MCM5: variants seen among roughly 807,000 people sequenced by gnomAD.
MCM5 encodes DNA replication licensing factor MCM5.
In MCM5, 46 loss-of-function variants were observed where a neutral mutation model predicts 79.9. That is an observed-to-expected ratio of 0.58 (90% CI 0.45 to 0.74). MCM5 has a LOEUF of 0.74. MCM5 is among the 30% of genes least tolerant of loss of function. MCM5 has a pLI of 0.00. For synonymous variants in MCM5, 404 were observed against 390.5 expected (o/e 1.03, Z -0.41); for missense variants, 883 against 1,017.0 (o/e 0.87, Z 1.79).
intron 15 of MCM5, chr22:35,422,910 C>T (rs559462186): frequency 3.0e-5 from 7 of 234,622 alleles, no homozygotes; most frequent in South Asian, 1.7e-4. Context: ...TCCAAGGGCC[C>T]GCAGGACTTG....
chr22:35,447,436 TTTGTTG>T, the MCM5 span, among the ~76,000 whole-genome samples: 1 of 144,754 alleles, frequency 6.9e-6, no homozygotes, highest in Non-Finnish European at 1.5e-5. Context: ...TTATGGACTT[TTTGTTG>T]TTGTTATTTT....
chr22:35,424,185 T>C lies in MCM5; in HGVS notation c.2135T>C (p.Leu712Pro), dbSNP rs758716600. Reference sequence around the variant, plus strand: ...CCGGAGCACGCCATCCACAAGGTGCTGCAGCTCATGCTGCGGCGCGGCGAG... The same window carrying C: ...CCGGAGCACGCCATCCACAAGGTGCCGCAGCTCATGCTGCGGCGCGGCGAG... ...KYPEHAIHKVLQLMLRRGEIQ... is the reference protein window; with the variant it reads ...KYPEHAIHKVPQLMLRRGEIQ... The change falls in exon 17 of 17, where the codon CTG (leucine) becomes CCG (proline). Residue 712 changes from leucine to proline, a missense_variant. Around this residue, in one of 3 missense-constraint regions of MCM5, gnomAD observed 426 missense variants for 482.3 expected, o/e 0.88. Coordinates refer to ENST00000216122, the MANE Select transcript of MCM5 (RefSeq NM_006739.4). 6.4e-7 allele frequency: 1 copy of C among 1,552,898 alleles called. No individual in the cohort carries two copies. Among genetic ancestry groups the C allele is most frequent in the South Asian group, 1.2e-5 (1 of 84,008 alleles).
chr22:35,435,730 C>T, the MCM5 span, among the ~76,000 whole-genome samples: 1 of 152,220 alleles, frequency 6.6e-6, no homozygotes, highest in Non-Finnish European at 1.5e-5. Context: ...CCCTGCCAGC[C>T]TCCCTAACTT....
At chr22:35,404,418 C>T (rs1932152761) in intron 4 of MCM5, among the ~76,000 whole-genome samples, 1 of 152,162 alleles carries the variant, frequency 6.6e-6, no homozygotes, top group South Asian at 2.1e-4. Context: ...AGCCATTATC[C>T]TGTAGAATGT....
the MCM5 span, among the ~76,000 whole-genome samples, chr22:35,438,321 GTCCATCTATCCA>G: frequency 1.7e-4 from 4 of 23,238 alleles, no homozygotes; most frequent in Admixed American, 8.0e-4. Context: ...CCGTTCATCC[GTCCATCTATCCA>G]TCCATCCATC....
At chr22:35,417,926 C>T in intron 13 of MCM5, 70 bp downstream of exon 13, 3 of 1,023,146 alleles carry the variant, frequency 2.9e-6, no homozygotes, top group East Asian at 2.4e-5. Context: ...AACCCAGTCC[C>T]CTGGTCCTGC....
downstream of MCM5, among the ~76,000 whole-genome samples, chr22:35,428,741 C>T (rs575106199): frequency 1.2e-4 from 18 of 152,122 alleles, no homozygotes; most frequent in African/African-American, 3.9e-4. Flanking sequence ...GACTTCTCCC[C>T]GGCTCCTACT....
chr22:35,418,111 T>G (rs1450223229), intron 13 of MCM5, among the ~76,000 whole-genome samples: 1 of 152,206 alleles, frequency 6.6e-6, no homozygotes, highest in African/African-American at 2.4e-5. Context: ...GAGTCTGACA[T>G]GCAGGGAGGC....
intron 15 of MCM5, 80 bp downstream of exon 15, chr22:35,421,540 T>C (rs754588387): frequency 5.7e-6 from 9 of 1,570,918 alleles, no homozygotes; most frequent in South Asian, 4.4e-5. Flanking sequence ...TCTGGCCTGC[T>C]GGGGGCCTGC....
chr22:35,430,317 T>C (rs555429790), downstream of MCM5, among the ~76,000 whole-genome samples: 1 of 152,324 alleles, frequency 6.6e-6, no homozygotes, highest in Non-Finnish European at 1.5e-5. Context: ...TAGTGTGGGC[T>C]GAGTATAGTG....
rs1189014615 is a variant in MCM5, at chr22:35,405,279, T to G, written c.424-1274T>G. 3.3e-5 allele frequency among the ~76,000 whole-genome samples: 5 copies of G among 151,218 alleles called. No homozygotes were observed. The East Asian group carries it at 9.9e-4, about 30-fold the overall frequency. ...GTGATCCATAGATGCCAAATCTTGT[T>G]TCATCTGTGGCCCTGGAGTTCTTTT... is the stretch of plus-strand genomic sequence containing the variant. On this transcript the variant is annotated intron_variant, in intron 4 of 16. Coordinates refer to ENST00000216122, the MANE Select transcript of MCM5 (RefSeq NM_006739.4).
chr22:35,403,690 G>T, intron 4 of MCM5, 148 bp downstream of exon 4: 1 of 1,027,360 alleles, frequency 9.7e-7, no homozygotes, highest in East Asian at 2.6e-5. Context: ...GTTGTTTTTT[G>T]CTTTTTGTTA....
Position 35,406,226 on chromosome 22 carries a change from G to A in MCM5, c.424-327G>A, listed in dbSNP as rs557441462. Among the ~76,000 whole-genome samples, 7 of 151,724 alleles carry A rather than the reference G, an allele frequency of 4.6e-5. No homozygotes were observed. In the South Asian group the frequency reaches 1.3e-3, roughly 27 times the overall value. On this transcript the variant is annotated intron_variant, in intron 4 of 16. Transcript: ENST00000216122. ...GTCCAAGGATGTCGCCATCAGAGCT[G>A]GGGTCAGGTCTCTCTCCTGGCACCT...
chr22:35,447,745 G>A, the MCM5 span, among the ~76,000 whole-genome samples: 1 of 152,194 alleles, frequency 6.6e-6, no homozygotes, highest in Non-Finnish European at 1.5e-5. Flanking sequence ...GGGATTACAG[G>A]TGTGAGCCAC....
chr22:35,401,605 C>T, intron 2 of MCM5: 4 of 470,984 alleles, frequency 8.5e-6, no homozygotes, highest in South Asian at 3.1e-5. Flanking sequence ...GTGTCAGTGT[C>T]TCTGGGCCTC....
chr22:35,413,650 G>A (rs1482005064), intron 8 of MCM5, among the ~76,000 whole-genome samples: 4 of 152,160 alleles, frequency 2.6e-5, no homozygotes, highest in Non-Finnish European at 5.9e-5. Context: ...CTCCTCTTCT[G>A]GGAGGCAAGC....
chr22:35,452,995 A>G, the MCM5 span, among the ~76,000 whole-genome samples: 80 of 151,934 alleles, frequency 5.3e-4, no homozygotes, highest in African/African-American at 1.8e-3. Flanking sequence ...AGGCATGGAG[A>G]GGGCTGCTCA....
At chr22:35,423,693 T>G in intron 16 of MCM5, 1 of 210,610 alleles carries the variant, frequency 4.7e-6, no homozygotes, top group South Asian at 1.5e-4. Context: ...AGAGTGAGCT[T>G]TCTGGCTCAC....
In MCM5 at chr22:35,420,069, G is replaced by T. The variant is rs914587288; in HGVS notation, c.1832+57G>T. 4.4e-5 allele frequency: 68 copies of T among 1,534,916 alleles called. 1 individual carries two copies. Among genetic ancestry groups the T allele is most frequent in the South Asian group, 4.3e-4 (34 of 79,856 alleles). ...GATGGGGCTTGCTTTACACAGCAGG[G>T]TGTGCTTGGCAACCAGGGGCAGTGG... is the stretch of plus-strand genomic sequence containing the variant. On this transcript the variant is annotated intron_variant, in intron 14 of 16. Transcript: ENST00000216122.
Sources: allele counts gnomAD v4.1 joint callset (sites outside exome capture counted in the v4.1 genomes callset), GRCh38; gene constraint gnomAD v4.1.1; regional missense constraint gnomAD v4.1.1; transcripts MANE v1.5; gene names NCBI Gene and HGNC (gene_info 2026-07-23, HGNC 2026-07-21).